The following SCFD2 variants were observed in gnomAD, a reference collection of about 807,000 sequenced individuals.
SCFD2 encodes sec1 family domain containing 2.
SCFD2 carries 54 observed loss-of-function variants against 58.9 expected under a neutral mutation model. The ratio of observed to expected loss-of-function variants is 0.92; its 90% CI spans 0.74 to 1.15. SCFD2 has a LOEUF of 1.15. Among genes scored for constraint, SCFD2 ranks in the 50% most tolerant of loss-of-function variants. The probability of loss-of-function intolerance (pLI) is 0.00; values close to 1 mark genes in which losing one functional copy is unlikely to be tolerated. For missense variants in SCFD2, 805 were observed against 836.6 expected (o/e 0.96, Z 0.47); for synonymous variants, 321 against 335.9 (o/e 0.96, Z 0.49).
At chr4:53,308,963 T>C (rs1193513449) in intron 3 of SCFD2, among the ~76,000 whole-genome samples, 2 of 151,874 alleles carry the variant, frequency 1.3e-5, no homozygotes, top group Non-Finnish European at 2.9e-5. Flanking sequence ...ACCCTGTCTC[T>C]ACTAGATAAA....
At chr4:53,133,754 T>C (rs1725861185) in intron 5 of SCFD2, among the ~76,000 whole-genome samples, 1 of 152,182 alleles carries the variant, frequency 6.6e-6, no homozygotes, top group Admixed American at 6.5e-5. Flanking sequence ...AAACAAATCC[T>C]CAACTCCTTC....
chr4:53,132,491 C>A (rs1316081409), intron 5 of SCFD2, among the ~76,000 whole-genome samples: 3 of 152,102 alleles, frequency 2.0e-5, no homozygotes, highest in Non-Finnish European at 4.4e-5. Context: ...CCTGAAATAA[C>A]AAATCTGAAA....
At chr4:52,971,452 G>C (rs1314153550) in intron 5 of SCFD2, among the ~76,000 whole-genome samples, 2 of 152,160 alleles carry the variant, frequency 1.3e-5, no homozygotes, top group Non-Finnish European at 2.9e-5. Context: ...GAAGCGAGAA[G>C]AGAAGATTAG....
At chr4:53,079,510 ATAGCATT>A (rs1298868066) in intron 5 of SCFD2, among the ~76,000 whole-genome samples, 1 of 152,220 alleles carries the variant, frequency 6.6e-6, no homozygotes, top group African/African-American at 2.4e-5. Context: ...AACGAAGAAC[ATAGCATT>A]CTCTTGGATC....
chr4:52,907,612 G>A (rs1719378640), intron 6 of SCFD2, 21 bp from the exon 7 acceptor site: 1 of 1,612,886 alleles, frequency 6.2e-7, no homozygotes, highest in Non-Finnish European at 8.5e-7. Context: ...AAAATACTAT[G>A]AGTAAAGGGA....
chr4:53,035,415 G>A (rs1560308485), intron 5 of SCFD2, among the ~76,000 whole-genome samples: 1 of 152,118 alleles, frequency 6.6e-6, no homozygotes. Flanking sequence ...ATAGGCATGG[G>A]CAAAGACTTC....
intron 4 of SCFD2, among the ~76,000 whole-genome samples, chr4:53,161,549 G>C (rs994933099): frequency 6.6e-6 from 1 of 152,182 alleles, no homozygotes; most frequent in Non-Finnish European, 1.5e-5. Context: ...ACATGCATAT[G>C]TTTTAAGGGA....
chr4:52,942,884 T>C (rs1269869967), intron 5 of SCFD2, among the ~76,000 whole-genome samples: 5 of 151,264 alleles, frequency 3.3e-5, no homozygotes, highest in African/African-American at 1.2e-4. Flanking sequence ...TTTGCCTATA[T>C]AGGAAAGCTT....
rs188070846 is a variant in SCFD2, at chr4:53,203,773, G to A, written c.1312-58191C>T. Among the ~76,000 whole-genome samples the A allele has an allele frequency of 1.2e-3, 177 of 152,178 alleles. 1 individual carries two copies. Among genetic ancestry groups the A allele is most frequent in the Non-Finnish European group, 2.0e-3 (133 of 68,022 alleles). ...CAAGTGTTTATTCTAAAATTGGGAG[G>A]GAATTGGGTAAATTAATAACACATG... On this transcript the variant is annotated intron_variant, in intron 4 of 8. Coordinates refer to ENST00000401642, the MANE Select transcript of SCFD2 (RefSeq NM_152540.4).
At chr4:52,975,436 A>T (rs1721229559) in intron 5 of SCFD2, among the ~76,000 whole-genome samples, 1 of 152,328 alleles carries the variant, frequency 6.6e-6, no homozygotes, top group African/African-American at 2.4e-5. Flanking sequence ...ATCATCACTG[A>T]CCAGCAGAGA....
At chr4:53,080,122 T>TTA (rs1346009187) in intron 5 of SCFD2, among the ~76,000 whole-genome samples, 1 of 152,158 alleles carries the variant, frequency 6.6e-6, no homozygotes, top group East Asian at 1.9e-4. Context: ...CAACGAAACA[T>TTA]TACCCTCTGC....
intron 4 of SCFD2, among the ~76,000 whole-genome samples, chr4:53,153,633 T>C (rs949705480): frequency 2.6e-5 from 4 of 152,238 alleles, no homozygotes; most frequent in Non-Finnish European, 5.9e-5. Flanking sequence ...CTTTTAGTCA[T>C]GTAAAATCTC....
At chr4:53,288,819 C>T (rs1281896694) in intron 3 of SCFD2, among the ~76,000 whole-genome samples, 1 of 152,182 alleles carries the variant, frequency 6.6e-6, no homozygotes, top group African/African-American at 2.4e-5. Flanking sequence ...GTATAAAACT[C>T]ACTGGTAGAG....
chr4:53,323,341 A>G (rs1733079768), intron 2 of SCFD2, among the ~76,000 whole-genome samples: 1 of 151,982 alleles, frequency 6.6e-6, no homozygotes, highest in African/African-American at 2.4e-5. Context: ...AAGTGTTACA[A>G]CTCTGAGGAG....
intron 5 of SCFD2, among the ~76,000 whole-genome samples, chr4:52,975,008 C>A (rs898386513): frequency 6.6e-6 from 1 of 152,142 alleles, no homozygotes; most frequent in African/African-American, 2.4e-5. Flanking sequence ...ACACCTTATA[C>A]AAAAATTAAT....
intron 2 of SCFD2, among the ~76,000 whole-genome samples, chr4:53,342,911 G>T (rs1222629060): frequency 6.6e-6 from 1 of 152,182 alleles, no homozygotes; most frequent in Non-Finnish European, 1.5e-5. Context: ...TGAAACCAAT[G>T]AGAACAGAGA....
At chr4:52,891,082 C>A (rs1293598637) in intron 7 of SCFD2, among the ~76,000 whole-genome samples, 1 of 152,120 alleles carries the variant, frequency 6.6e-6, no homozygotes, top group Non-Finnish European at 1.5e-5. Context: ...CTAGGAAGCA[C>A]CCAGGTTGAC....
chr4:53,345,415 T>A (rs1254151618), intron 2 of SCFD2, among the ~76,000 whole-genome samples: 1 of 152,176 alleles, frequency 6.6e-6, no homozygotes, highest in Non-Finnish European at 1.5e-5. Context: ...TCACACCAGT[T>A]AGAATGGCGA....
At chr4:53,276,750 T>C (rs1731340046) in intron 3 of SCFD2, among the ~76,000 whole-genome samples, 1 of 152,198 alleles carries the variant, frequency 6.6e-6, no homozygotes. Flanking sequence ...TTATAAGAAA[T>C]TGGCAAACTG....
Sources: allele counts gnomAD v4.1 joint callset (sites outside exome capture counted in the v4.1 genomes callset), GRCh38; gene constraint gnomAD v4.1.1; transcripts MANE v1.5; gene names NCBI Gene and HGNC (gene_info 2026-07-23, HGNC 2026-07-21).